The following SRSF2 variants were observed in gnomAD, a reference collection of about 807,000 sequenced individuals.
The protein encoded by SRSF2 is serine/arginine-rich splicing factor 2.
A neutral mutation model predicts 15.7 loss-of-function variants in SRSF2; 4 were observed. The observed-to-expected ratio is 0.26, with a 90% CI of 0.13 to 0.58. SRSF2 has a LOEUF of 0.58. Ranked by LOEUF, SRSF2 falls within the 20% of genes least tolerant of loss-of-function variation. The pLI is 0.90. For synonymous variants in SRSF2, 192 were observed against 138.9 expected, an observed-to-expected ratio of 1.38 and a Z score of -2.69; for missense variants, 147 against 332.4, an observed-to-expected ratio of 0.44 and a Z score of 4.34.
upstream of SRSF2, chr17:76,737,357 G>C (rs370097238): frequency 9.2e-6 from 6 of 649,808 alleles, no homozygotes; most frequent in East Asian, 3.0e-5. Context: ...CTCTGCGCCC[G>C]TTTATATCGC....
chr17:76,737,363 A>T, upstream of SRSF2: 2 of 598,418 alleles, frequency 3.3e-6, no homozygotes, highest in Non-Finnish European at 5.4e-6. Context: ...GCCCGTTTAT[A>T]TCGCTCCTCA....
Position 76,735,153 on chromosome 17 carries a change from A to T in SRSF2, c.*13T>A. On this transcript the variant is annotated 3_prime_UTR_variant, in exon 3 of 3. Coordinates refer to ENST00000359995, the MANE Select transcript of SRSF2 (RefSeq NM_001195427.2). The stretch of plus-strand genomic sequence containing the variant: ...AGTCCTCCGTTTACACTGCTTGCCG[A>T]TACATCTAGGTTTGAAAAGAAAGAA... 4.6e-6 allele frequency: 1 copy of T among 219,594 alleles called. No homozygotes were observed. The highest frequency in any genetic ancestry group is 9.1e-6 in the Non-Finnish European group (1 of 109,332). 13.6% of individuals were successfully genotyped at this position (219,594 alleles called of 1,614,324 possible). A position where few individuals can be genotyped will look rare whatever the true frequency, so the allele number is the denominator to read the frequency against.
rs1310316973 is a variant in SRSF2, at chr17:76,736,863, G to A, written c.298C>T (p.His100Tyr). ...CGGGGTGGCGGTCCCCGGCGGCTGT[G>A]GTGTGAGTCCGGGGGGCGGCCGTAG... is the stretch of plus-strand genomic sequence containing the variant. ...ARYGRPPDSH[H>Y]SRRGPPPRRY... is the part of the protein sequence containing the mutation. The change falls in exon 1 of 3, where the codon CAC (histidine) becomes TAC (tyrosine). Residue 100 changes from histidine to tyrosine, a missense_variant. Transcript: ENST00000359995. 1 of 1,609,862 alleles carries A rather than the reference G, an allele frequency of 6.2e-7. No homozygotes were observed. The highest frequency in any genetic ancestry group is 8.5e-7 in the Non-Finnish European group (1 of 1,178,624).
In SRSF2 at chr17:76,736,348, G is replaced by C. The variant is rs1024057574; in HGVS notation, c.479C>G (p.Thr160Ser). The change falls in exon 2 of 3, where the codon ACC becomes AGC. Residue 160 changes from threonine to serine, a missense_variant. This residue lies in a region of SRSF2 where 125 missense variants were observed against 185.1 expected (regional missense o/e 0.68). Transcript: ENST00000359995. ...RSRTRSRSRS[T>S]SKSRSARRSK... Reference sequence around the variant, plus strand: ...CCTTCGTGCGGATCTGGACTTGGAGGTCGACCGAGATCGAGAACGAGTGCG... The same window carrying C: ...CCTTCGTGCGGATCTGGACTTGGAGCTCGACCGAGATCGAGAACGAGTGCG... The C allele has an allele frequency of 6.2e-7, 1 of 1,614,180 alleles. No individual in the cohort carries two copies. The highest frequency in any genetic ancestry group is 1.3e-5 in the African/African-American group (1 of 75,060).
At position 76,737,005 on chromosome 17, in the gene SRSF2, C is replaced by G; in HGVS notation, c.156G>C (p.Lys52Asn). 1 of 1,613,472 alleles carries G rather than the reference C, an allele frequency of 6.2e-7. No homozygotes were observed. The highest frequency in any genetic ancestry group is 2.2e-5 in the East Asian group (1 of 44,874). Residue 52 changes from lysine (K) to asparagine (N), a missense_variant, in exon 1 of 3, where the codon AAG becomes AAC. Lys to Asn is a moderately conservative substitution (Grantham distance 94). Around this residue, in one of 2 missense-constraint regions of SRSF2, gnomAD observed 22 missense variants for 147.3 expected, o/e 0.15. Coordinates refer to ENST00000359995, the MANE Select transcript of SRSF2 (RefSeq NM_001195427.2). ...GAACGAAGGCGAAGCCGCGGGACTC[C>G]TTGGTGTAGCGGTCCCGCGGGATGT... ...DVYIPRDRYT[K>N]ESRGFAFVRF...
At chr17:76,736,128 A>G (rs1254939841) in intron 2 of SRSF2, 26 bp downstream of exon 2, 11 of 1,559,444 alleles carry the variant, frequency 7.1e-6, no homozygotes, top group African/African-American at 1.4e-5. Context: ...AATTAGGGTT[A>G]TGTGTCTCGG....
In SRSF2 at chr17:76,735,990, C is replaced by T. The variant is rs2077443427; in HGVS notation, c.*7+164G>A. On this transcript the variant is annotated intron_variant, in intron 2 of 2. Coordinates refer to ENST00000359995, the MANE Select transcript of SRSF2 (RefSeq NM_001195427.2). ...ATTATTATCTAAGCTTCATACACAT[C>T]CTTTCTGCAGACCCCTCTCTTCAGT... 3 of 679,806 alleles carry T rather than the reference C, an allele frequency of 4.4e-6. No homozygotes were observed. The South Asian group carries it at 5.7e-5, about 13-fold the overall frequency. The allele number at this position is 679,806 out of a possible 1,614,324, so 42.1% of individuals were successfully genotyped here.
rs1302848606 is a variant in SRSF2 at position 76,734,702 on chromosome 17, CAT to C, written c.*462_*463del. 2 of 234,166 alleles carry C rather than the reference CAT, an allele frequency of 8.5e-6. No individual in the cohort carries two copies. Among genetic ancestry groups the C allele is most frequent in the East Asian group, 6.5e-5 (1 of 15,368 alleles). The allele number at this position is 234,166 out of a possible 1,614,324, so 14.5% of individuals were successfully genotyped here. A position where few individuals can be genotyped will look rare whatever the true frequency, so the allele number is the denominator to read the frequency against. ...ACCATTTAGATCTGAAGGTAAATAA[CAT>C]ATACAAATTTACACCAACTTTTGTA... On this transcript the variant is annotated 3_prime_UTR_variant, in exon 3 of 3. Coordinates refer to ENST00000359995, the MANE Select transcript of SRSF2 (RefSeq NM_001195427.2).
chr17:76,734,865 C>CA lies in SRSF2; in HGVS notation c.*300dup. ...GGTTACCAATCTGTTTAATTTCAAA[C>CA]AAAAAAAGTCAGCACTATATAACAA... On this transcript the variant is annotated 3_prime_UTR_variant, in exon 3 of 3. Coordinates refer to ENST00000359995, the MANE Select transcript of SRSF2 (RefSeq NM_001195427.2). 1 of 238,830 alleles carries CA rather than the reference C, an allele frequency of 4.2e-6. No individual in the cohort carries two copies. Among genetic ancestry groups the CA allele is most frequent in the Non-Finnish European group, 8.9e-6 (1 of 112,694 alleles). The allele number at this position is 238,830 out of a possible 1,614,324, so 14.8% of individuals were successfully genotyped here.
At position 76,737,180 on chromosome 17, in the gene SRSF2, G is replaced by A; in HGVS notation, c.-20C>T. On this transcript the variant is annotated 5_prime_UTR_variant, in exon 1 of 3. Coordinates refer to ENST00000359995, the MANE Select transcript of SRSF2 (RefSeq NM_001195427.2). ...GCTCATAGCTCTGAGTGGCGGCCCG[G>A]AGCCCCGCGAACTGGCGCCGGCTTC... The A allele has an allele frequency of 6.5e-7, 1 of 1,529,482 alleles. No individual in the cohort carries two copies. 94.7% of individuals were successfully genotyped at this position (1,529,482 alleles called of 1,614,324 possible).
At chr17:76,737,352 C>A (rs1332963631), upstream of SRSF2, 5 of 705,200 alleles carry the variant, frequency 7.1e-6, no homozygotes, top group East Asian at 1.1e-4. Context: ...CCGGCCTCTG[C>A]GCCCGTTTAT....
chr17:76,734,821 G>A lies in SRSF2; in HGVS notation c.*345C>T. The A allele has an allele frequency of 4.2e-6, 1 of 239,684 alleles. No individual in the cohort carries two copies. The highest frequency in any genetic ancestry group is 8.9e-6 in the Non-Finnish European group (1 of 112,924). 14.8% of individuals were successfully genotyped at this position (239,684 alleles called of 1,614,324 possible). A position where few individuals can be genotyped will look rare whatever the true frequency, so the allele number is the denominator to read the frequency against. ...ATGGCTGCACACGTTTTCCTTAAAA[G>A]TCAGGAGGCCACAAATTAGGTTACC... On this transcript the variant is annotated 3_prime_UTR_variant, in exon 3 of 3. Transcript: ENST00000359995.
In SRSF2 at chr17:76,736,841, G is replaced by A; in HGVS notation, c.320C>T (p.Pro107Leu). The stretch of plus-strand genomic sequence containing the variant: ...GTAGCCACCGCCCCCGTACCTGCGG[G>A]GTGGCGGTCCCCGGCGGCTGTGGTG... ...DSHHSRRGPPPRRYGGGGYGR... is the reference protein window; with the variant it reads ...DSHHSRRGPPLRRYGGGGYGR... Residue 107 changes from proline (P) to leucine (L), a missense_variant, in exon 1 of 3, where the codon CCC (proline) becomes CTC (leucine). Coordinates refer to ENST00000359995, the MANE Select transcript of SRSF2 (RefSeq NM_001195427.2). The A allele has an allele frequency of 6.2e-7, 1 of 1,604,804 alleles. No homozygotes were observed. Among genetic ancestry groups the A allele is most frequent in the Non-Finnish European group, 8.5e-7 (1 of 1,176,256 alleles).
intron 2 of SRSF2, 55 bp downstream of exon 2, chr17:76,736,099 A>AC: frequency 6.6e-7 from 1 of 1,508,910 alleles, no homozygotes; most frequent in Admixed American, 2.1e-5. Context: ...AAAAAGACCT[A>AC]CCCCAAATCC....
chr17:76,736,443 G>A lies in SRSF2; in HGVS notation c.384C>T (p.Ser128=), dbSNP rs1446485911. 6.2e-7 allele frequency: 1 copy of A among 1,612,552 alleles called. No individual in the cohort carries two copies. Among genetic ancestry groups the A allele is most frequent in the South Asian group, 1.1e-5 (1 of 91,072 alleles). ...TGGAACGACTCCGACTCCGGGATCG[G>A]CTGCGGCGACGCCGCCTAGGGCTGC... The part of the protein sequence containing the change: ...RSRSPRRRRR[S]RSRSRSRSRS... The change falls in exon 2 of 3, where the codon AGC becomes AGT. Residue 128 remains serine, a synonymous_variant. Coordinates refer to ENST00000359995, the MANE Select transcript of SRSF2 (RefSeq NM_001195427.2).
intron 2 of SRSF2, chr17:76,735,856 T>C (rs1419255676): frequency 1.8e-6 from 1 of 546,320 alleles, no homozygotes. Context: ...AATATTCTTT[T>C]ATCAAACAGG....
At chr17:76,736,486 A>ACAGCGGGGTTAATTCCAGG (rs776583852) in intron 1 of SRSF2, 22 bp from the exon 2 acceptor site, 1 of 1,606,120 alleles carries the variant, frequency 6.2e-7, no homozygotes, top group Admixed American at 1.7e-5. Flanking sequence ...ACGAGCAAGC[A>ACAGCGGGGTTAATTCCAGG]CAGCGGGGTT....
At chr17:76,736,041 C>T (rs1362791791) in intron 2 of SRSF2, 113 bp downstream of exon 2, 4 of 1,102,956 alleles carry the variant, frequency 3.6e-6, no homozygotes, top group African/African-American at 3.1e-5. Context: ...GAGTAACCTC[C>T]GAGCAGCACT....
chr17:76,735,970 T>C, intron 2 of SRSF2, 184 bp downstream of exon 2: 2 of 636,162 alleles, frequency 3.1e-6, no homozygotes, highest in Non-Finnish European at 5.5e-6. Flanking sequence ...CAGCCATTAT[T>C]ATCTAAGCTT....
Sources: gnomAD v4.1 joint callset for allele counts on GRCh38, gnomAD v4.1.1 for gene constraint, gnomAD v4.1.1 regional missense constraint, MANE v1.5 for transcripts, NCBI Gene and HGNC (gene_info 2026-07-23, HGNC 2026-07-21) for gene names.